LHFPL3: variants seen among roughly 807,000 people sequenced by gnomAD.
LHFPL3 encodes LHFPL tetraspan subfamily member 3, also known as LHFPL tetraspan subfamily member 3 protein.
LHFPL3 carries 5 observed loss-of-function variants against 19.3 expected under a neutral mutation model. The observed-to-expected ratio is 0.26, with a 90% CI of 0.14 to 0.54. The LOEUF is 0.54. LHFPL3 is among the 20% of genes least tolerant of loss of function. The pLI is 0.94. For missense variants in LHFPL3, 249 were observed against 307.4 expected (o/e 0.81, Z 1.42); for synonymous variants, 133 against 126.2 (o/e 1.05, Z -0.36).
At chr7:104,818,933 G>A (rs933952356) in intron 2 of LHFPL3, among the ~76,000 whole-genome samples, 14 of 152,040 alleles carry the variant, frequency 9.2e-5, no homozygotes, top group Admixed American at 6.6e-5. Flanking sequence ...TAGTCTATGA[G>A]ATTCTTTTCT....
intron 1 of LHFPL3, among the ~76,000 whole-genome samples, chr7:104,474,281 T>C (rs1356184506): frequency 6.6e-6 from 1 of 152,076 alleles, no homozygotes; most frequent in Non-Finnish European, 1.5e-5. Flanking sequence ...GAAGGTGTAT[T>C]TGGGGAGCCA....
chr7:104,657,963 A>G (rs1792149780), intron 1 of LHFPL3, among the ~76,000 whole-genome samples: 2 of 152,188 alleles, frequency 1.3e-5, no homozygotes, highest in South Asian at 4.1e-4. Context: ...TTAATCAAGT[A>G]TTTTTCCATA....
intron 1 of LHFPL3, among the ~76,000 whole-genome samples, chr7:104,364,461 C>T (rs1389589317): frequency 2.0e-5 from 3 of 152,198 alleles, no homozygotes; most frequent in East Asian, 1.9e-4. Flanking sequence ...AATTGCAAAG[C>T]TGGCAGTAGA....
At chr7:104,869,061 A>AT (rs1791784323) in intron 2 of LHFPL3, among the ~76,000 whole-genome samples, 1 of 152,212 alleles carries the variant, frequency 6.6e-6, no homozygotes, top group South Asian at 2.1e-4. Flanking sequence ...CTTACACCTT[A>AT]TACAAAAATT....
At chr7:104,617,789 C>T (rs566446541) in intron 1 of LHFPL3, among the ~76,000 whole-genome samples, 15 of 152,036 alleles carry the variant, frequency 9.9e-5, no homozygotes, top group Non-Finnish European at 2.2e-4. Context: ...ATGGTAATTC[C>T]ATAGTTTGTT....
chr7:104,494,132 T>G (rs1025560672), intron 1 of LHFPL3, among the ~76,000 whole-genome samples: 1 of 152,210 alleles, frequency 6.6e-6, no homozygotes, highest in Admixed American at 6.5e-5. Context: ...GCTTGTCTTA[T>G]TTTTCTTCTC....
intron 2 of LHFPL3, among the ~76,000 whole-genome samples, chr7:104,752,325 T>C (rs1465836483): frequency 6.6e-6 from 1 of 152,100 alleles, no homozygotes; most frequent in Non-Finnish European, 1.5e-5. Context: ...TTTTTCCTTG[T>C]CTTTTCATTA....
intron 1 of LHFPL3, among the ~76,000 whole-genome samples, chr7:104,665,004 A>T (rs1479648640): frequency 6.6e-6 from 1 of 152,228 alleles, no homozygotes; most frequent in Non-Finnish European, 1.5e-5. Context: ...CTGGCCATAT[A>T]AAATGAATAC....
At chr7:104,381,729 A>C (rs924872675) in intron 1 of LHFPL3, among the ~76,000 whole-genome samples, 3 of 152,212 alleles carry the variant, frequency 2.0e-5, no homozygotes, top group African/African-American at 7.2e-5. Flanking sequence ...TATTTACCTG[A>C]TGAATCTCTA....
chr7:104,378,232 T>A (rs1026814169), intron 1 of LHFPL3, among the ~76,000 whole-genome samples: 5 of 152,216 alleles, frequency 3.3e-5, no homozygotes, highest in African/African-American at 1.2e-4. Context: ...TTTGCAGTTA[T>A]CCCCTCATGC....
intron 1 of LHFPL3, among the ~76,000 whole-genome samples, chr7:104,695,043 C>T (rs1792973461): frequency 6.6e-6 from 1 of 152,236 alleles, no homozygotes; most frequent in East Asian, 1.9e-4. Context: ...AGCTTATCTG[C>T]TGTCTCTTTT....
At chr7:104,550,483 C>T (rs900150669) in intron 1 of LHFPL3, among the ~76,000 whole-genome samples, 2 of 152,250 alleles carry the variant, frequency 1.3e-5, no homozygotes, top group African/African-American at 4.8e-5. Context: ...ACCATTACAT[C>T]ATGAGTCATC....
intron 1 of LHFPL3, among the ~76,000 whole-genome samples, chr7:104,586,609 A>G (rs1185992059): frequency 6.6e-6 from 1 of 152,184 alleles, no homozygotes. Flanking sequence ...GGATTTTTTA[A>G]AAAATAAATT....
intron 1 of LHFPL3, among the ~76,000 whole-genome samples, chr7:104,670,251 G>A (rs1562962246): frequency 6.6e-6 from 1 of 151,864 alleles, no homozygotes; most frequent in Non-Finnish European, 1.5e-5. Context: ...TTGAAAGGAA[G>A]CTTTTGGGAA....
chr7:104,624,192 G>A (rs570833419), intron 1 of LHFPL3, among the ~76,000 whole-genome samples: 11 of 152,192 alleles, frequency 7.2e-5, no homozygotes, highest in South Asian at 2.1e-4. Flanking sequence ...ACCAAATATC[G>A]TGAGTTTTGA....
At chr7:104,759,132 T>C (rs2116365438) in intron 2 of LHFPL3, among the ~76,000 whole-genome samples, 1 of 152,314 alleles carries the variant, frequency 6.6e-6, no homozygotes, top group South Asian at 2.1e-4. Flanking sequence ...AGTGGGCTGA[T>C]GCTTAAAGAA....
chr7:104,529,221 A>G (rs954366615), intron 1 of LHFPL3, among the ~76,000 whole-genome samples: 5 of 152,190 alleles, frequency 3.3e-5, no homozygotes, highest in African/African-American at 1.2e-4. Flanking sequence ...GACCTTAGTA[A>G]CATGGCTTTC....
At chr7:104,394,753 T>G (rs908928001) in intron 1 of LHFPL3, among the ~76,000 whole-genome samples, 3 of 151,826 alleles carry the variant, frequency 2.0e-5, no homozygotes, top group African/African-American at 7.3e-5. Flanking sequence ...CAGGCTTGAG[T>G]GCAGTAACAC....
intron 2 of LHFPL3, among the ~76,000 whole-genome samples, chr7:104,764,702 A>G (rs527433579): frequency 6.6e-6 from 1 of 152,358 alleles, no homozygotes; most frequent in Non-Finnish European, 1.5e-5. Flanking sequence ...TGCAATATTT[A>G]CATGCCTATC....
Sources: allele counts gnomAD v4.1 joint callset (sites outside exome capture counted in the v4.1 genomes callset), GRCh38; gene constraint gnomAD v4.1.1; transcripts MANE v1.5; gene names NCBI Gene and HGNC (gene_info 2026-07-23, HGNC 2026-07-21).